The following CYSTM1 variants were observed in gnomAD, a reference collection of about 807,000 sequenced individuals.
CYSTM1 encodes cysteine-rich transmembrane module-containing protein 1.
In CYSTM1, 4 loss-of-function variants were observed where a neutral mutation model predicts 13.1. The observed-to-expected ratio is 0.31, with a 90% CI of 0.15 to 0.70. The LOEUF (loss-of-function observed/expected upper bound fraction) is 0.70. Ranked by LOEUF, CYSTM1 falls within the 30% of genes least tolerant of loss-of-function variation. The pLI, the probability that CYSTM1 is intolerant of heterozygous loss-of-function variation, is 0.72. For synonymous variants in CYSTM1, 36 were observed against 42.7 expected, an observed-to-expected ratio of 0.84 and a Z score of 0.62; for missense variants, 96 against 121.6, an observed-to-expected ratio of 0.79 and a Z score of 0.99.
At chr5:140,224,760 A>G (rs887610237) in intron 2 of CYSTM1, among the ~76,000 whole-genome samples, 2 of 152,020 alleles carry the variant, frequency 1.3e-5, no homozygotes, top group Non-Finnish European at 2.9e-5. Context: ...AATTCAAGGG[A>G]TCCTCCCGCC....
chr5:140,211,205 C>A (rs75151883), intron 2 of CYSTM1, among the ~76,000 whole-genome samples: 1,897 of 152,290 alleles, frequency 0.012, 38 homozygotes, highest in African/African-American at 0.041. Flanking sequence ...GTCCTAAGAA[C>A]AATCCTGCAA....
At chr5:140,183,449 T>C (rs1763981540) in intron 1 of CYSTM1, among the ~76,000 whole-genome samples, 1 of 152,218 alleles carries the variant, frequency 6.6e-6, no homozygotes, top group Non-Finnish European at 1.5e-5. Context: ...GTTCCAATTA[T>C]AATGCTGTCC....
rs112523852 is a variant in CYSTM1, at chr5:140,229,292, T to A, written c.188-14013T>A. Among the ~76,000 whole-genome samples, 1,211 of 152,232 alleles carry A rather than the reference T, an allele frequency of 8.0e-3. 12 individuals are homozygous for A. The highest frequency in any genetic ancestry group is 0.027 in the African/African-American group (1,141 of 41,516). On this transcript the variant is annotated intron_variant, in intron 2 of 2. Coordinates refer to ENST00000261811, the MANE Select transcript of CYSTM1 (RefSeq NM_032412.4). ...TCACTGCAACCTTTACCTCCTGGGTTCAAGCAATTCTTGTGCCTCAGCCTC... is the reference window on the plus strand; with the variant it reads ...TCACTGCAACCTTTACCTCCTGGGTACAAGCAATTCTTGTGCCTCAGCCTC...
chr5:140,179,844 G>A (rs957345963), intron 1 of CYSTM1, among the ~76,000 whole-genome samples: 3 of 151,864 alleles, frequency 2.0e-5, no homozygotes, highest in Admixed American at 6.6e-5. Flanking sequence ...GTATTTTTTA[G>A]TAGAGACGGG....
chr5:140,229,277 C>A (rs1187479504), intron 2 of CYSTM1, among the ~76,000 whole-genome samples: 1 of 152,112 alleles, frequency 6.6e-6, no homozygotes, highest in Non-Finnish European at 1.5e-5. Flanking sequence ...TCACTGCAAC[C>A]TTTACCTCCT....
intron 2 of CYSTM1, among the ~76,000 whole-genome samples, chr5:140,221,851 T>C (rs1265986602): frequency 2.0e-5 from 3 of 152,266 alleles, no homozygotes; most frequent in Non-Finnish European, 4.4e-5. Flanking sequence ...TGGACACTCA[T>C]AATATCAGAC....
At chr5:140,205,253 G>A (rs533965381) in intron 2 of CYSTM1, among the ~76,000 whole-genome samples, 2 of 152,276 alleles carry the variant, frequency 1.3e-5, no homozygotes, top group African/African-American at 4.8e-5. Context: ...AGATTGTGGG[G>A]GAGGTGATAG....
At chr5:140,201,613 G>A (rs945786069) in intron 2 of CYSTM1, 14 of 152,248 alleles carry the variant, frequency 9.2e-5, no homozygotes, top group African/African-American at 3.4e-4. Flanking sequence ...TTCTTTCAGA[G>A]CCCTTCTTCT....
chr5:140,176,151 A>G (rs1447639515), intron 1 of CYSTM1, among the ~76,000 whole-genome samples: 1 of 152,180 alleles, frequency 6.6e-6, no homozygotes, highest in Non-Finnish European at 1.5e-5. Flanking sequence ...GTGGGGAGCC[A>G]TTGAAACGTT....
rs1264336668 is a variant in CYSTM1, at chr5:140,226,504, A to T, written c.188-16801A>T. 3.7e-5 allele frequency among the ~76,000 whole-genome samples: 3 copies of T among 81,316 alleles called. No homozygotes were observed. In the Admixed American group the frequency reaches 4.8e-4, roughly 13 times the overall value. The allele number at this position is 81,316 out of a possible 152,430, so 53.3% of individuals were successfully genotyped here. A position where few individuals can be genotyped will look rare whatever the true frequency, so the allele number is the denominator to read the frequency against. ...ATATTTATATATATATAATATATAT[A>T]AATATATATTAATAATATATAATAT... On this transcript the variant is annotated intron_variant, in intron 2 of 2. Transcript: ENST00000261811.
At chr5:140,196,864 A>C (rs1235051255) in intron 2 of CYSTM1, among the ~76,000 whole-genome samples, 1 of 152,252 alleles carries the variant, frequency 6.6e-6, no homozygotes, top group Non-Finnish European at 1.5e-5. Flanking sequence ...TGGAGTTGGG[A>C]AACTAGGGTG....
rs774660836 is a variant in CYSTM1, at chr5:140,243,348, C to T, written c.231C>T (p.Ser77=). The T allele has an allele frequency of 1.2e-5, 19 of 1,614,170 alleles. No homozygotes were observed. In the South Asian group the frequency reaches 2.1e-4, roughly 18 times the overall value. ...AAAGAAGAGATGAGCTAGGACCATC[C>T]ACCTGCCTCACAGCCTGCTGGACGG... is the stretch of plus-strand genomic sequence containing the variant. ...EDQRRDELGP[S]TCLTACWTAL... The change falls in exon 3 of 3, where the codon TCC becomes TCT. Residue 77 remains serine, a synonymous_variant. Coordinates refer to ENST00000261811, the MANE Select transcript of CYSTM1 (RefSeq NM_032412.4).
chr5:140,229,191 C>T (rs1764593030), intron 2 of CYSTM1, among the ~76,000 whole-genome samples: 1 of 151,984 alleles, frequency 6.6e-6, no homozygotes, highest in Non-Finnish European at 1.5e-5. Context: ...TATCTTCTTC[C>T]TATCTGACTC....
rs150448612 is a variant in CYSTM1, at chr5:140,185,144, T to A, written c.-20-9302T>A. ...AGTGTGTGGTTTTTGTATCAGATAT[T>A]TTTTGTGAGAAAGGAAAATAAGACA... On this transcript the variant is annotated intron_variant, in intron 1 of 2. Transcript: ENST00000261811. 2.6e-3 allele frequency among the ~76,000 whole-genome samples: 400 copies of A among 152,338 alleles called. 14 individuals are homozygous for A. The East Asian group carries it at 0.065, about 25-fold the overall frequency.
chr5:140,206,813 T>C (rs1764304376), intron 2 of CYSTM1, among the ~76,000 whole-genome samples: 1 of 152,126 alleles, frequency 6.6e-6, no homozygotes, highest in African/African-American at 2.4e-5. Context: ...AAAAAATTTT[T>C]TGTAGAGAGG....
chr5:140,200,476 C>A (rs1028216287), intron 2 of CYSTM1: 1 of 150,408 alleles, frequency 6.6e-6, no homozygotes, highest in Non-Finnish European at 1.5e-5. Flanking sequence ...TTCCATTGGT[C>A]TATATACAGA....
chr5:140,187,521 C>G (rs1581058957), intron 1 of CYSTM1, among the ~76,000 whole-genome samples: 1 of 152,026 alleles, frequency 6.6e-6, no homozygotes, highest in African/African-American at 2.4e-5. Context: ...TGTATGCCAC[C>G]ACACCCAGCT....
intron 2 of CYSTM1, among the ~76,000 whole-genome samples, chr5:140,204,942 A>G (rs1764280111): frequency 6.6e-6 from 1 of 152,108 alleles, no homozygotes; most frequent in South Asian, 2.1e-4. Context: ...AAGTCCAGAT[A>G]TTGGGGTTTT....
chr5:140,216,956 G>A (rs1482248717), intron 2 of CYSTM1, among the ~76,000 whole-genome samples: 7 of 152,086 alleles, frequency 4.6e-5, no homozygotes, highest in Admixed American at 4.6e-4. Flanking sequence ...TTCTCTTGAG[G>A]TTCTAGTCAT....
Sources: allele counts gnomAD v4.1 joint callset (sites outside exome capture counted in the v4.1 genomes callset), GRCh38; gene constraint gnomAD v4.1.1; transcripts MANE v1.5; gene names NCBI Gene and HGNC (gene_info 2026-07-23, HGNC 2026-07-21).